Variants in SLC15A5 observed in about 807,000 individuals in gnomAD.
The protein encoded by SLC15A5 is solute carrier family 15 member 5.
In SLC15A5, 58 loss-of-function variants were observed where a neutral mutation model predicts 56.1. The ratio of observed to expected loss-of-function variants is 1.03; its 90% CI spans 0.84 to 1.29. SLC15A5 has a LOEUF of 1.29. SLC15A5 is among the 50% of genes most tolerant of loss of function. The pLI is 0.00. For synonymous variants in SLC15A5, 264 were observed against 250.5 expected (o/e 1.05, Z -0.51); for missense variants, 681 against 672.1 (o/e 1.01, Z -0.15).
intron 1 of SLC15A5, among the ~76,000 whole-genome samples, chr12:16,274,547 A>T (rs1864797322): frequency 6.6e-6 from 1 of 152,166 alleles, no homozygotes; most frequent in Non-Finnish European, 1.5e-5. Flanking sequence ...TGTAAAGACT[A>T]TATGCCCTTA....
intron 7 of SLC15A5, among the ~76,000 whole-genome samples, chr12:16,202,641 A>C (rs1436774792): frequency 6.6e-6 from 1 of 152,122 alleles, no homozygotes; most frequent in Non-Finnish European, 1.5e-5. Context: ...ATATCAAAGA[A>C]ACTTTTGTAA....
At chr12:16,221,539 G>A (rs1234235297) in intron 6 of SLC15A5, among the ~76,000 whole-genome samples, 2 of 152,204 alleles carry the variant, frequency 1.3e-5, no homozygotes, top group East Asian at 1.9e-4. Flanking sequence ...TCAAGGGGCA[G>A]ATTGTAACCA....
chr12:16,210,047 T>C (rs1290293409), intron 7 of SLC15A5, among the ~76,000 whole-genome samples: 1 of 152,156 alleles, frequency 6.6e-6, no homozygotes, highest in Non-Finnish European at 1.5e-5. Flanking sequence ...TTCATGCCAT[T>C]TCCTCCTTTT....
At chr12:16,221,092 A>G (rs938859885) in intron 6 of SLC15A5, among the ~76,000 whole-genome samples, 2 of 152,198 alleles carry the variant, frequency 1.3e-5, no homozygotes, top group South Asian at 2.1e-4. Context: ...TCAATGTAGG[A>G]CACTGTCAAA....
At chr12:16,225,097 T>G (rs539713321) in intron 5 of SLC15A5, among the ~76,000 whole-genome samples, 1 of 152,326 alleles carries the variant, frequency 6.6e-6, no homozygotes, top group Admixed American at 6.5e-5. Context: ...ATGGTGTATA[T>G]GTGCCACATT....
chr12:16,192,785 G>T (rs976829038), intron 8 of SLC15A5, among the ~76,000 whole-genome samples: 1 of 152,046 alleles, frequency 6.6e-6, no homozygotes, highest in Non-Finnish European at 1.5e-5. Context: ...GAAGAAGAGA[G>T]CATATGGCTA....
At chr12:16,202,308 T>C (rs183791952) in intron 7 of SLC15A5, among the ~76,000 whole-genome samples, 1 of 152,286 alleles carries the variant, frequency 6.6e-6, no homozygotes, top group East Asian at 1.9e-4. Flanking sequence ...AGACATTTCC[T>C]AGAAGAAGAC....
In SLC15A5 at chr12:16,188,730, T is replaced by C. The variant is rs1479133804; in HGVS notation, c.*938A>G. On this transcript the variant is annotated 3_prime_UTR_variant, in exon 9 of 9. Coordinates refer to ENST00000344941, the MANE Select transcript of SLC15A5 (RefSeq NM_001170798.1). ...AAGATTTGAGTTAAGGCAGTCTGTA[T>C]AGGGGCCAGAAAGATTCACCTGTAG... 1.3e-5 allele frequency: 2 copies of C among 152,244 alleles called. No homozygotes were observed. The highest frequency in any genetic ancestry group is 4.8e-5 in the African/African-American group (2 of 41,474). 9.4% of individuals were successfully genotyped at this position (152,244 alleles called of 1,614,324 possible).
At chr12:16,215,313 A>C (rs1454902291) in intron 7 of SLC15A5, among the ~76,000 whole-genome samples, 1 of 151,956 alleles carries the variant, frequency 6.6e-6, no homozygotes, top group African/African-American at 2.4e-5. Context: ...TGCATATGAA[A>C]CATTTAGATT....
Position 16,216,886 on chromosome 12 carries a change from T to A in SLC15A5, c.1483+7A>T, listed in dbSNP as rs749026606. The A allele has an allele frequency of 8.7e-5, 133 of 1,534,392 alleles. No homozygotes were observed. The highest frequency in any genetic ancestry group is 1.1e-4 in the Non-Finnish European group (128 of 1,145,778). On this transcript the variant is annotated splice_region_variant and intron_variant, in intron 7 of 8. Transcript: ENST00000344941. ...TGTATATAAGCATGCCACGAACCTA[T>A]TTTTACCATCTGAGATGAGATATAC...
intron 5 of SLC15A5, among the ~76,000 whole-genome samples, chr12:16,231,094 A>G (rs1008568950): frequency 6.6e-6 from 1 of 152,224 alleles, no homozygotes; most frequent in Admixed American, 6.5e-5. Context: ...TCTTTTGTAC[A>G]AAATTTGGTA....
At chr12:16,224,891 C>T (rs1260391350) in intron 5 of SLC15A5, among the ~76,000 whole-genome samples, 6 of 132,618 alleles carry the variant, frequency 4.5e-5, no homozygotes, top group African/African-American at 1.7e-4. Flanking sequence ...CCCCACCCCA[C>T]AACAGGCCCT....
chr12:16,192,694 C>A (rs540955746), intron 8 of SLC15A5, among the ~76,000 whole-genome samples: 1 of 152,144 alleles, frequency 6.6e-6, no homozygotes, highest in South Asian at 2.1e-4. Context: ...GGTCCAGTGC[C>A]ATTTCTACCT....
chr12:16,230,599 T>C (rs1864286205), intron 5 of SLC15A5, among the ~76,000 whole-genome samples: 1 of 152,142 alleles, frequency 6.6e-6, no homozygotes, highest in Non-Finnish European at 1.5e-5. Flanking sequence ...GGCACTTGAG[T>C]ATTTTTTATT....
At position 16,244,710 on chromosome 12, in the gene SLC15A5, C is replaced by G. The variant is rs1864444985; in HGVS notation, c.845G>C (p.Ser282Thr). Residue 282 changes from serine (S) to threonine (T), a missense_variant, in exon 4 of 9, where the codon AGC (serine) becomes ACC (threonine). Ser to Thr is a moderately conservative substitution (Grantham distance 58, BLOSUM62 1). Transcript: ENST00000344941. The stretch of plus-strand genomic sequence containing the variant: ...TTTTTCTTTGGCATGGTCTAACTGG[C>G]TTGTCACGTCTCTGCCAAGATGGCA... ...QYCHLGRDVTSQLDHAKEKNG... is the reference protein window; with the variant it reads ...QYCHLGRDVTTQLDHAKEKNG... 1 of 1,537,600 alleles carries G rather than the reference C, an allele frequency of 6.5e-7. No homozygotes were observed. The highest frequency in any genetic ancestry group is 8.7e-7 in the Non-Finnish European group (1 of 1,147,008).
chr12:16,204,167 G>C (rs889006296), intron 7 of SLC15A5, among the ~76,000 whole-genome samples: 1 of 152,078 alleles, frequency 6.6e-6, no homozygotes, highest in East Asian at 1.9e-4. Context: ...ATAAAAATAG[G>C]ATTGGGGTCT....
Position 16,243,547 on chromosome 12 carries a change from C to T in SLC15A5, c.975+1033G>A, listed in dbSNP as rs1864432722. 6.6e-6 allele frequency among the ~76,000 whole-genome samples: 1 copy of T among 152,050 alleles called. No homozygotes were observed. Among genetic ancestry groups the T allele is most frequent in the South Asian group, 2.1e-4 (1 of 4,826 alleles). On this transcript the variant is annotated intron_variant, in intron 4 of 8. Coordinates refer to ENST00000344941, the MANE Select transcript of SLC15A5 (RefSeq NM_001170798.1). This position sits in a 1 kb window ranked among gnomAD's most constrained non-coding sequence, Gnocchi z 4.4. ...TTTTCATGTGCTAGAAAATACTATTCTTTTTTTAATTTTTTTCAAACATAT... is the reference window on the plus strand; with the variant it reads ...TTTTCATGTGCTAGAAAATACTATTTTTTTTTTAATTTTTTTCAAACATAT...
intron 6 of SLC15A5, among the ~76,000 whole-genome samples, chr12:16,222,926 C>A (rs908853670): frequency 2.6e-5 from 4 of 152,146 alleles, no homozygotes; most frequent in Non-Finnish European, 4.4e-5. Flanking sequence ...CTTTACACTT[C>A]TTTTGTCTTC....
At chr12:16,275,106 A>T (rs1471748539) in intron 1 of SLC15A5, among the ~76,000 whole-genome samples, 1 of 152,052 alleles carries the variant, frequency 6.6e-6, no homozygotes, top group Non-Finnish European at 1.5e-5. Flanking sequence ...GGACAATTAT[A>T]TTATAAAGTG....
Sources: gnomAD v4.1 joint callset for allele counts (sites outside exome capture counted in the v4.1 genomes callset) on GRCh38, gnomAD v4.1.1 for gene constraint, Gnocchi (gnomAD v3.1) non-coding constraint, MANE v1.5 for transcripts, NCBI Gene and HGNC (gene_info 2026-07-23, HGNC 2026-07-21) for gene names.